The following NELL1 variants were observed in gnomAD, a reference collection of about 807,000 sequenced individuals.
NELL1 encodes neural EGFL like 1.
A neutral mutation model predicts 107.4 loss-of-function variants in NELL1; 76 were observed. The observed-to-expected ratio is 0.71, with a 90% confidence interval of 0.59 to 0.86. The LOEUF is 0.86. Among genes scored for constraint, NELL1 ranks in the 40% least tolerant of loss-of-function variants. The probability of loss-of-function intolerance (pLI) is 0.00; values close to 1 mark genes in which losing one functional copy is unlikely to be tolerated. For synonymous variants in NELL1, 353 were observed against 341.2 expected, an observed-to-expected ratio of 1.03 and a Z score of -0.38; for missense variants, 1,024 against 1,005.5, an observed-to-expected ratio of 1.02 and a Z score of -0.25.
intron 2 of NELL1, among the ~76,000 whole-genome samples, chr11:20,767,968 G>A (rs1182893340): frequency 1.3e-5 from 2 of 152,144 alleles, no homozygotes; most frequent in South Asian, 2.1e-4. Context: ...GAGAGAAAGA[G>A]AGAGAGAGAG....
At chr11:20,859,660 G>T (rs1017953834) in intron 4 of NELL1, among the ~76,000 whole-genome samples, 1 of 152,138 alleles carries the variant, frequency 6.6e-6, no homozygotes, top group African/African-American at 2.4e-5. Flanking sequence ...TGCAATTGAA[G>T]GTCTCATTAT....
intron 13 of NELL1, among the ~76,000 whole-genome samples, chr11:21,120,768 T>A (rs1855349417): frequency 6.6e-6 from 1 of 152,160 alleles, no homozygotes. Context: ...ACAAGAAAAG[T>A]CAAAATAAAG....
chr11:20,893,066 T>C (rs1849651264), intron 5 of NELL1, among the ~76,000 whole-genome samples: 1 of 151,968 alleles, frequency 6.6e-6, no homozygotes, highest in Non-Finnish European at 1.5e-5. Context: ...CACCATGGCA[T>C]ACTACACAGC....
chr11:20,998,464 A>AT (rs908385097), intron 12 of NELL1, among the ~76,000 whole-genome samples: 2 of 151,644 alleles, frequency 1.3e-5, no homozygotes, highest in Non-Finnish European at 2.9e-5. Context: ...TTAGTTTACA[A>AT]TTTTTTTTTC....
intron 5 of NELL1, among the ~76,000 whole-genome samples, chr11:20,904,129 A>AG (rs1374287703): frequency 6.6e-6 from 1 of 152,172 alleles, no homozygotes; most frequent in African/African-American, 2.4e-5. Context: ...TAGTGGGTGC[A>AG]GCGCACCAGC....
At chr11:20,889,621 G>T (rs1051498503) in intron 5 of NELL1, among the ~76,000 whole-genome samples, 7 of 152,138 alleles carry the variant, frequency 4.6e-5, no homozygotes, top group African/African-American at 7.2e-5. Context: ...CTTAATTTTA[G>T]AAAAATAATA....
At chr11:21,481,731 G>C (rs1854497767) in intron 15 of NELL1, among the ~76,000 whole-genome samples, 1 of 152,194 alleles carries the variant, frequency 6.6e-6, no homozygotes, top group Non-Finnish European at 1.5e-5. Context: ...GCTGCTGACT[G>C]TAGGATTGCC....
chr11:21,470,416 C>G (rs543033471), intron 15 of NELL1, among the ~76,000 whole-genome samples: 1 of 152,140 alleles, frequency 6.6e-6, no homozygotes, highest in Admixed American at 6.6e-5. Flanking sequence ...TTTCACCATT[C>G]AAACATGTTT....
intron 15 of NELL1, among the ~76,000 whole-genome samples, chr11:21,484,376 T>C (rs1008278858): frequency 1.3e-5 from 2 of 152,006 alleles, no homozygotes; most frequent in African/African-American, 4.8e-5. Context: ...CTATACACTT[T>C]TACAATAAAG....
In NELL1 at chr11:21,382,645, G is replaced by T. The variant is rs114884178; in HGVS notation, c.1645+11697G>T. Among the ~76,000 whole-genome samples, 286 of 151,928 alleles carry T rather than the reference G, an allele frequency of 1.9e-3. 2 individuals are homozygous for T. The highest frequency in any genetic ancestry group is 6.8e-3 in the African/African-American group (281 of 41,496). On this transcript the variant is annotated intron_variant, in intron 15 of 19. Coordinates refer to ENST00000357134, the MANE Select transcript of NELL1 (RefSeq NM_006157.5). ...ATTTTGGTCTATTTCAAATAGCTTT[G>T]TCAGTCCACCTTTCCATAGGGCCCT...
intron 3 of NELL1, among the ~76,000 whole-genome samples, chr11:20,792,440 C>T (rs910371429): frequency 6.6e-6 from 1 of 151,946 alleles, no homozygotes; most frequent in Non-Finnish European, 1.5e-5. Flanking sequence ...TAATAAGGTC[C>T]TCTGTTTAAT....
At chr11:21,094,496 A>G (rs1216287088) in intron 12 of NELL1, among the ~76,000 whole-genome samples, 1 of 152,176 alleles carries the variant, frequency 6.6e-6, no homozygotes, top group Non-Finnish European at 1.5e-5. Context: ...TGGGGGCTCC[A>G]GCCCCATATT....
chr11:20,733,406 A>G (rs1288381648), intron 2 of NELL1, among the ~76,000 whole-genome samples: 1 of 152,204 alleles, frequency 6.6e-6, no homozygotes. Flanking sequence ...GCAAATTCAG[A>G]GCATAGTCTG....
chr11:21,150,705 A>G (rs1856095788), intron 13 of NELL1, among the ~76,000 whole-genome samples: 1 of 152,014 alleles, frequency 6.6e-6, no homozygotes, highest in African/African-American at 2.4e-5. Flanking sequence ...ACAGCACACT[A>G]CTCTTTCACC....
intron 14 of NELL1, among the ~76,000 whole-genome samples, chr11:21,329,549 T>C (rs1850225968): frequency 6.6e-6 from 1 of 151,198 alleles, no homozygotes; most frequent in African/African-American, 2.5e-5. Context: ...AGTTAAATAT[T>C]GTAATAGCAA....
intron 13 of NELL1, among the ~76,000 whole-genome samples, chr11:21,201,382 C>T (rs906894499): frequency 6.6e-6 from 1 of 152,148 alleles, no homozygotes. Context: ...ATTTTATTCT[C>T]TTTCTAGCAA....
intron 15 of NELL1, among the ~76,000 whole-genome samples, chr11:21,372,362 G>A (rs1273715407): frequency 1.3e-5 from 2 of 151,758 alleles, no homozygotes; most frequent in Non-Finnish European, 2.9e-5. Context: ...CAGAATTAAT[G>A]GGGAAAGAAT....
intron 14 of NELL1, among the ~76,000 whole-genome samples, chr11:21,279,826 C>T (rs1165285038): frequency 1.3e-5 from 2 of 152,132 alleles, no homozygotes; most frequent in East Asian, 3.9e-4. Flanking sequence ...AAAATGTCTT[C>T]CAGGAGTTGA....
At chr11:20,949,887 A>G (rs1322422980) in intron 11 of NELL1, among the ~76,000 whole-genome samples, 8 of 152,186 alleles carry the variant, frequency 5.3e-5, no homozygotes, top group African/African-American at 1.9e-4. Context: ...TCTTTTTCAT[A>G]CCAGTTCCTT....
Sources: gnomAD v4.1 joint callset for allele counts (sites outside exome capture counted in the v4.1 genomes callset) on GRCh38, gnomAD v4.1.1 for gene constraint, MANE v1.5 for transcripts, NCBI Gene and HGNC (gene_info 2026-07-23, HGNC 2026-07-21) for gene names.